COL22A1: variants seen among roughly 807,000 people sequenced by gnomAD.
COL22A1 encodes the protein collagen alpha-1(XXII) chain.
In COL22A1, 221 loss-of-function variants were observed where a neutral mutation model predicts 248.9. The ratio of observed to expected loss-of-function variants is 0.89; its 90% CI spans 0.80 to 0.99. The LOEUF is 0.99. COL22A1 is among the 50% of genes least tolerant of loss of function. The pLI, the probability that COL22A1 is intolerant of heterozygous loss-of-function variation, is 0.00. For synonymous variants in COL22A1, 891 were observed against 793.4 expected (o/e 1.12, Z -2.07); for missense variants, 2,240 against 2,179.0 (o/e 1.03, Z -0.56).
chr8:138,694,333 T>C (rs1827323633), intron 34 of COL22A1, among the ~76,000 whole-genome samples, 175 bp downstream of exon 34: 3 of 152,146 alleles, frequency 2.0e-5, no homozygotes, highest in Non-Finnish European at 4.4e-5. Context: ...CCCATGGCTG[T>C]GTCTGGGGCG....
intron 4 of COL22A1, 40 bp from the exon 5 acceptor site, chr8:138,833,190 A>C (rs766446109): frequency 4.4e-5 from 61 of 1,387,188 alleles, no homozygotes; most frequent in Non-Finnish European, 6.2e-5. Flanking sequence ...TTGGAGAAGG[A>C]AGAGTATAAG....
rs1179283737 is a variant in COL22A1 at position 138,616,070 on chromosome 8, C to T, written c.3871-16G>A. The T allele has an allele frequency of 6.2e-7, 1 of 1,608,322 alleles. No homozygotes were observed. The highest frequency in any genetic ancestry group is 1.1e-5 in the South Asian group (1 of 90,966). ...CAGACTCTCCCTAGGAACAAAAAAG[C>T]CTGCTATTAGGGAAGGAGATGCTTC... is the stretch of plus-strand genomic sequence containing the variant. On this transcript the variant is annotated splice_polypyrimidine_tract_variant and intron_variant, in intron 54 of 64. Coordinates refer to ENST00000303045, the MANE Select transcript of COL22A1 (RefSeq NM_152888.3).
intron 3 of COL22A1, among the ~76,000 whole-genome samples, chr8:138,875,633 G>A (rs1023774322): frequency 6.6e-6 from 1 of 152,026 alleles, no homozygotes; most frequent in Non-Finnish European, 1.5e-5. Context: ...TTGATCCAGT[G>A]TGCACCTGGA....
rs113387458 is a variant in COL22A1, at chr8:138,607,144, T to C, written c.4033-692A>G. ...AGTAGGTTTCCCAGGATGCAGGATTTTCCAGTTGGGAAAGTTCCTCACAAA... is the reference window on the plus strand; with the variant it reads ...AGTAGGTTTCCCAGGATGCAGGATTCTCCAGTTGGGAAAGTTCCTCACAAA... On this transcript the variant is annotated intron_variant, in intron 57 of 64. Coordinates refer to ENST00000303045, the MANE Select transcript of COL22A1 (RefSeq NM_152888.3). Among the ~76,000 whole-genome samples the C allele has an allele frequency of 5.9e-3, 891 of 152,234 alleles. 8 individuals carry two copies. Among genetic ancestry groups the C allele is most frequent in the African/African-American group, 0.02 (842 of 41,546 alleles).
At chr8:138,820,268 ACAT>A (rs2131744659) in intron 7 of COL22A1, among the ~76,000 whole-genome samples, 1 of 152,306 alleles carries the variant, frequency 6.6e-6, no homozygotes, top group South Asian at 2.1e-4. Flanking sequence ...AGCTTTCCCC[ACAT>A]CATGTTTCCT....
chr8:138,611,774 C>G (rs1472109233), intron 56 of COL22A1, among the ~76,000 whole-genome samples: 1 of 152,198 alleles, frequency 6.6e-6, no homozygotes, highest in East Asian at 1.9e-4. Flanking sequence ...GTGACTCTAC[C>G]TGCTAAGTTC....
chr8:138,718,181 C>T (rs911914786), intron 27 of COL22A1, among the ~76,000 whole-genome samples: 6 of 152,070 alleles, frequency 3.9e-5, no homozygotes, highest in African/African-American at 7.2e-5. Context: ...TATCCTGTAG[C>T]GCTGGTGTCA....
intron 1 of COL22A1, among the ~76,000 whole-genome samples, chr8:138,889,927 GAA>G (rs1824932631): frequency 6.6e-6 from 1 of 152,028 alleles, no homozygotes; most frequent in Non-Finnish European, 1.5e-5. Context: ...AAATACTCAA[GAA>G]AAGACAGAAC....
chr8:138,662,392 C>T (rs1337463832), intron 42 of COL22A1, among the ~76,000 whole-genome samples: 1 of 152,134 alleles, frequency 6.6e-6, no homozygotes, highest in Non-Finnish European at 1.5e-5. Context: ...TGGGCCTGAG[C>T]TCAAACCCTG....
intron 5 of COL22A1, among the ~76,000 whole-genome samples, chr8:138,830,268 A>ACG (rs1819937130): frequency 6.6e-6 from 1 of 152,230 alleles, no homozygotes; most frequent in Admixed American, 6.5e-5. Context: ...TGAAAAGTGT[A>ACG]ATACCTGCCT....
chr8:138,808,867 T>C (rs10107843), intron 9 of COL22A1, among the ~76,000 whole-genome samples: 152,350 of 152,380 alleles, frequency 1, 76,160 homozygotes, highest in Middle Eastern at 1. Context: ...CCCACAAGAG[T>C]GCCTGGTACA....
intron 12 of COL22A1, among the ~76,000 whole-genome samples, chr8:138,783,691 C>T (rs116376790): frequency 0.012 from 1,794 of 152,288 alleles, 37 homozygotes; most frequent in African/African-American, 0.04. Context: ...CCATCACACA[C>T]GGCCACTGTG....
At chr8:138,617,724 T>C (rs1819452574) in intron 53 of COL22A1, among the ~76,000 whole-genome samples, 1 of 152,198 alleles carries the variant, frequency 6.6e-6, no homozygotes, top group Non-Finnish European at 1.5e-5. Flanking sequence ...TTCATGCAAC[T>C]GGGCTGACTG....
chr8:138,695,101 G>A (rs1045066757), intron 32 of COL22A1, among the ~76,000 whole-genome samples: 14 of 152,116 alleles, frequency 9.2e-5, no homozygotes, highest in Non-Finnish European at 1.8e-4. Flanking sequence ...CTTCTTCTGG[G>A]AAGCTGAACC....
intron 3 of COL22A1, among the ~76,000 whole-genome samples, chr8:138,866,623 T>C (rs557085555): frequency 6.6e-6 from 1 of 152,322 alleles, no homozygotes; most frequent in East Asian, 1.9e-4. Flanking sequence ...ATCACACCTA[T>C]ATGCTGCAGT....
intron 15 of COL22A1, chr8:138,777,865 T>C (rs73361031): frequency 0.047 from 8,104 of 174,234 alleles, 711 homozygotes; most frequent in African/African-American, 0.18. Context: ...TCGAGAATAG[T>C]GTTAAATGGT....
In COL22A1 at chr8:138,780,996, G is replaced by A; in HGVS notation, c.1597-16C>T. 1 of 1,579,718 alleles carries A rather than the reference G, an allele frequency of 6.3e-7. No homozygotes were observed. The highest frequency in any genetic ancestry group is 8.6e-7 in the Non-Finnish European group (1 of 1,159,576). ...CCAGGGAACCCTAAAGCCAAAAAAAGAGAATAGCAATTAGTAAAGAATAAC... is the reference window on the plus strand; with the variant it reads ...CCAGGGAACCCTAAAGCCAAAAAAAAAGAATAGCAATTAGTAAAGAATAAC... On this transcript the variant is annotated splice_polypyrimidine_tract_variant and intron_variant, in intron 12 of 64. Transcript: ENST00000303045.
intron 45 of COL22A1, among the ~76,000 whole-genome samples, chr8:138,655,076 A>T (rs1587777001): frequency 6.6e-6 from 1 of 152,240 alleles, no homozygotes; most frequent in East Asian, 1.9e-4. Context: ...GCGAGAAAGG[A>T]TTTTATTCTT....
chr8:138,906,141 C>T (rs975910590), intron 1 of COL22A1, among the ~76,000 whole-genome samples: 4 of 152,130 alleles, frequency 2.6e-5, no homozygotes, highest in Non-Finnish European at 5.9e-5. Context: ...GAGGCCGAGG[C>T]GGGCGGGTCA....
Sources: allele counts gnomAD v4.1 joint callset (sites outside exome capture counted in the v4.1 genomes callset), GRCh38; gene constraint gnomAD v4.1.1; transcripts MANE v1.5; gene names NCBI Gene and HGNC (gene_info 2026-07-23, HGNC 2026-07-21).